The following WASF3 variants were observed in gnomAD, a reference collection of about 807,000 sequenced individuals.
WASF3 encodes actin-binding protein WASF3.
A neutral mutation model predicts 46.6 loss-of-function variants in WASF3; 11 were observed. That is an observed-to-expected ratio of 0.24 (90% CI 0.15 to 0.39). The LOEUF (loss-of-function observed/expected upper bound fraction) is 0.39. WASF3 is among the 10% of genes least tolerant of loss of function. The pLI is 1.00. For missense variants in WASF3, 576 were observed against 669.8 expected, an observed-to-expected ratio of 0.86 and a Z score of 1.55; for synonymous variants, 242 against 259.7, an observed-to-expected ratio of 0.93 and a Z score of 0.65.
intron 1 of WASF3, chr13:26,577,223 C>CA: frequency 1.4e-6 from 1 of 730,532 alleles, no homozygotes. Context: ...GTTCCATGGT[C>CA]AAAAAATGGC....
At chr13:26,643,954 G>A (rs1014882234) in intron 3 of WASF3, among the ~76,000 whole-genome samples, 4 of 152,208 alleles carry the variant, frequency 2.6e-5, no homozygotes, top group African/African-American at 7.2e-5. Flanking sequence ...GTTATGTTAC[G>A]TGTAAGAGGG....
intron 3 of WASF3, among the ~76,000 whole-genome samples, chr13:26,650,961 G>A (rs1302293740): frequency 6.6e-6 from 1 of 152,130 alleles, no homozygotes; most frequent in East Asian, 1.9e-4. Context: ...AAGGAATAGA[G>A]CAGAAGTAGT....
chr13:26,676,819 G>A (rs1883082975), intron 7 of WASF3, 95 bp downstream of exon 7: 3 of 1,224,714 alleles, frequency 2.4e-6, no homozygotes, highest in African/African-American at 1.5e-5. Context: ...TAGCTTCGGG[G>A]TTTATATGGC....
At chr13:26,562,162 T>G (rs181087256) in intron 1 of WASF3, among the ~76,000 whole-genome samples, 241 of 152,220 alleles carry the variant, frequency 1.6e-3, no homozygotes, top group African/African-American at 5.7e-3. Flanking sequence ...GCTGTTGGAG[T>G]AGATGAGGTC....
At position 26,665,084 on chromosome 13, in the gene WASF3, A is replaced by G. The variant is rs1882733263; in HGVS notation, c.190A>G (p.Ile64Val). Residue 64 changes from isoleucine to valine, a missense_variant, in exon 4 of 10, where the codon ATC becomes GTC. Physicochemically the swap from Ile to Val is conservative, Grantham distance 29 (BLOSUM62 3). Coordinates refer to ENST00000335327, the MANE Select transcript of WASF3 (RefSeq NM_006646.6). ...ELFNEANNFY[I>V]RANSLQDRID... ...GTTTAATGAGGCTAACAACTTCTAC[A>G]TCAGAGCAAATTCTCTTCAAGACAG... 6.2e-7 allele frequency: 1 copy of G among 1,614,218 alleles called. No homozygotes were observed. The highest frequency in any genetic ancestry group is 8.5e-7 in the Non-Finnish European group (1 of 1,180,022).
upstream of WASF3, among the ~76,000 whole-genome samples, chr13:26,554,049 T>A (rs1467603141): frequency 1.9e-5 from 1 of 52,274 alleles, no homozygotes; most frequent in African/African-American, 8.3e-5. Context: ...CTTTCCTTCC[T>A]TCCTTCCTTC....
At chr13:26,630,342 A>G (rs888954050) in intron 2 of WASF3, among the ~76,000 whole-genome samples, 1 of 151,886 alleles carries the variant, frequency 6.6e-6, no homozygotes, top group African/African-American at 2.4e-5. Flanking sequence ...CTGGTGTGTG[A>G]TGTTCCCTGC....
rs573987416 is a variant in WASF3, at chr13:26,605,852, C to CT, written c.-108-7108dup. Among the ~76,000 whole-genome samples the CT allele has an allele frequency of 3.2e-4, 48 of 152,206 alleles. 2 individuals are homozygous for CT. In the South Asian group the frequency reaches 9.3e-3, roughly 30 times the overall value. ...CACTTTTTGTTGTGGTAATGAATAA[C>CT]TAGGCAAATGCAAGAGTAGAACTCA... is the stretch of plus-strand genomic sequence containing the variant. On this transcript the variant is annotated intron_variant, in intron 1 of 9. Transcript: ENST00000335327.
At chr13:26,548,685 A>G in the WASF3 span, among the ~76,000 whole-genome samples, 1 of 152,174 alleles carries the variant, frequency 6.6e-6, no homozygotes, top group African/African-American at 2.4e-5. Flanking sequence ...CAAGATATTC[A>G]TGACCCTACA....
chr13:26,573,609 A>G (rs988541491), intron 1 of WASF3, among the ~76,000 whole-genome samples: 12 of 152,150 alleles, frequency 7.9e-5, no homozygotes, highest in African/African-American at 2.4e-4. Flanking sequence ...AGAGTTGTAT[A>G]AATTTTTAGG....
Position 26,568,923 on chromosome 13 carries a change from G to C in WASF3, c.-109+11104G>C, listed in dbSNP as rs115508735. Among the ~76,000 whole-genome samples the C allele has an allele frequency of 1.5e-3, 228 of 152,320 alleles. 1 individual carries two copies. The highest frequency in any genetic ancestry group is 5.4e-3 in the African/African-American group (223 of 41,566). Reference sequence around the variant, plus strand: ...CAGTAATTAAGCAAACCGGTCTGCTGTCTGGAGTTATTGGATATGACCCAA... The same window carrying C: ...CAGTAATTAAGCAAACCGGTCTGCTCTCTGGAGTTATTGGATATGACCCAA... On this transcript the variant is annotated intron_variant, in intron 1 of 9. Coordinates refer to ENST00000335327, the MANE Select transcript of WASF3 (RefSeq NM_006646.6).
chr13:26,591,306 A>C (rs775127148), intron 1 of WASF3, among the ~76,000 whole-genome samples: 3 of 152,152 alleles, frequency 2.0e-5, no homozygotes, highest in East Asian at 1.9e-4. Flanking sequence ...ATGTGATCCA[A>C]CTTCTTTGAC....
At chr13:26,655,503 A>C (rs1013030170) in intron 3 of WASF3, among the ~76,000 whole-genome samples, 14 of 152,170 alleles carry the variant, frequency 9.2e-5, no homozygotes, top group Non-Finnish European at 2.1e-4. Flanking sequence ...TGTGATTAAA[A>C]AGTGTCATAT....
At chr13:26,550,223 A>T in the WASF3 span, among the ~76,000 whole-genome samples, 117,938 of 151,988 alleles carry the variant, frequency 0.78, 45,907 homozygotes, top group East Asian at 0.9. Flanking sequence ...TGATTTTTTT[A>T]AAATTCCTTA....
chr13:26,684,015 G>A (rs1157093648), intron 9 of WASF3, among the ~76,000 whole-genome samples: 1 of 152,206 alleles, frequency 6.6e-6, no homozygotes, highest in African/African-American at 2.4e-5. Context: ...ACCAAGCAAG[G>A]AGCCTGGCTG....
At chr13:26,557,245 C>A (rs1384148602), upstream of WASF3, among the ~76,000 whole-genome samples, 2 of 152,212 alleles carry the variant, frequency 1.3e-5, no homozygotes, top group African/African-American at 4.8e-5. Context: ...ACAGTCCTCT[C>A]AGGGTTGCCT....
At chr13:26,539,954 A>C in the WASF3 span, among the ~76,000 whole-genome samples, 2 of 152,140 alleles carry the variant, frequency 1.3e-5, no homozygotes, top group African/African-American at 4.8e-5. Context: ...TGCCAGAAGG[A>C]AATCCCAACC....
intron 1 of WASF3, among the ~76,000 whole-genome samples, chr13:26,612,739 T>A (rs1212603538): frequency 1.3e-5 from 2 of 152,180 alleles, no homozygotes. Flanking sequence ...TTACTGTGAG[T>A]CCTTGAAGTT....
the WASF3 span, among the ~76,000 whole-genome samples, chr13:26,542,980 G>A: frequency 6.6e-6 from 1 of 152,200 alleles, no homozygotes; most frequent in Admixed American, 6.5e-5. Flanking sequence ...CTGAACACAG[G>A]CTAAAGAAGA....
Sources: allele counts gnomAD v4.1 joint callset (sites outside exome capture counted in the v4.1 genomes callset), GRCh38; gene constraint gnomAD v4.1.1; transcripts MANE v1.5; gene names NCBI Gene and HGNC (gene_info 2026-07-23, HGNC 2026-07-21).